Variants in CFAP251 observed in about 807,000 individuals in gnomAD.
CFAP251 encodes cilia and flagella associated protein 251.
In CFAP251, 93 loss-of-function variants were observed where a neutral mutation model predicts 126.7. The ratio of observed to expected loss-of-function variants is 0.73; its 90% CI spans 0.62 to 0.87. The LOEUF is 0.87. Among genes scored for constraint, CFAP251 ranks in the 40% least tolerant of loss-of-function variants. The probability of loss-of-function intolerance (pLI) is 0.00; values close to 1 mark genes in which losing one functional copy is unlikely to be tolerated. For synonymous variants in CFAP251, 503 were observed against 506.9 expected (o/e 0.99, Z 0.10); for missense variants, 1,287 against 1,389.2 (o/e 0.93, Z 1.17).
At position 121,960,693 on chromosome 12, in the gene CFAP251, C is replaced by T; in HGVS notation, c.2242C>T (p.Leu748=). The stretch of plus-strand genomic sequence containing the variant: ...TCATCGCAAAAGCATTCGAAGTCTC[C>T]TGTTTGGGGTTTACCTGGACAGCAA... The part of the protein sequence containing the change: ...RSHRKSIRSL[L]FGVYLDSNEP... Residue 748 remains leucine, a synonymous_variant, in exon 14 of 22, where the codon CTG becomes TTG. Coordinates refer to ENST00000288912, the MANE Select transcript of CFAP251 (RefSeq NM_144668.6). 1.2e-6 allele frequency: 2 copies of T among 1,613,994 alleles called. No individual in the cohort carries two copies. Among genetic ancestry groups the T allele is most frequent in the South Asian group, 2.2e-5 (2 of 91,066 alleles).
At chr12:121,925,493 G>T (rs941432270) in intron 3 of CFAP251, among the ~76,000 whole-genome samples, 1 of 152,190 alleles carries the variant, frequency 6.6e-6, no homozygotes, top group Non-Finnish European at 1.5e-5. Context: ...ACGGTGGCAA[G>T]ACGTCTGGAG....
At chr12:121,986,694 G>C (rs1006390115) in intron 19 of CFAP251, among the ~76,000 whole-genome samples, 1 of 151,040 alleles carries the variant, frequency 6.6e-6, no homozygotes, top group African/African-American at 2.4e-5. Context: ...GAGCCCAGAG[G>C]TCAAGGCTGC....
chr12:121,979,591 A>C (rs1159845915), intron 19 of CFAP251, among the ~76,000 whole-genome samples: 1 of 19,368 alleles, frequency 5.2e-5, no homozygotes, highest in Non-Finnish European at 1.5e-4. Flanking sequence ...TTGAGACAGC[A>C]TCTTGCTCTG....
chr12:121,942,794 T>C, intron 6 of CFAP251, 101 bp from the exon 7 acceptor site: 1 of 1,376,854 alleles, frequency 7.3e-7, no homozygotes, highest in East Asian at 2.3e-5. Flanking sequence ...TGGGCCTCTG[T>C]CCTTAGTTAC....
chr12:121,965,495 A>T (rs58526256), intron 15 of CFAP251, among the ~76,000 whole-genome samples: 1,735 of 152,300 alleles, frequency 0.011, 29 homozygotes, highest in African/African-American at 0.04. Context: ...AAATATTTTT[A>T]AAAATGGAAA....
chr12:121,922,680 G>A lies in CFAP251; in HGVS notation c.379-942G>A, dbSNP rs867401438. Among the ~76,000 whole-genome samples the A allele has an allele frequency of 5.6e-4, 60 of 107,004 alleles. No homozygotes were observed. In the Middle Eastern group the frequency reaches 0.014, roughly 25 times the overall value. 70.2% of individuals were successfully genotyped at this position (107,004 alleles called of 152,430 possible). ...GTCTGTAGCTAGTCAGCCTTTTGGA[G>A]ACCACGAGTGCCACTTAGAAGAATG... is the stretch of plus-strand genomic sequence containing the variant. On this transcript the variant is annotated intron_variant, in intron 2 of 21. Transcript: ENST00000288912.
chr12:121,991,950 GC>G (rs1445764451), intron 19 of CFAP251, among the ~76,000 whole-genome samples: 2 of 152,092 alleles, frequency 1.3e-5, no homozygotes, highest in Non-Finnish European at 2.9e-5. Context: ...CCGAGATCAC[GC>G]CACTGGACTC....
chr12:121,928,684 ATATACG>A (rs1456498798), intron 3 of CFAP251, among the ~76,000 whole-genome samples: 5 of 38,824 alleles, frequency 1.3e-4, no homozygotes, highest in East Asian at 4.2e-4. Context: ...ATATATATAT[ATATACG>A]TATATATATA....
intron 5 of CFAP251, among the ~76,000 whole-genome samples, chr12:121,939,240 A>G (rs1478827168): frequency 6.6e-6 from 1 of 152,136 alleles, no homozygotes; most frequent in Non-Finnish European, 1.5e-5. Context: ...TCCATTGTCA[A>G]ATCAACTTAT....
intron 19 of CFAP251, among the ~76,000 whole-genome samples, chr12:121,980,995 C>T (rs535567401): frequency 5.5e-4 from 84 of 152,280 alleles, no homozygotes; most frequent in Non-Finnish European, 9.0e-4. Context: ...GACTAGAGAG[C>T]GAGGGTCTGT....
intron 19 of CFAP251, among the ~76,000 whole-genome samples, chr12:121,991,990 T>A (rs1440666372): frequency 6.6e-6 from 1 of 151,426 alleles, no homozygotes; most frequent in Non-Finnish European, 1.5e-5. Context: ...GAGACTATCA[T>A]CTAAAAAAAA....
At chr12:121,935,775 G>C (rs545912311) in intron 5 of CFAP251, among the ~76,000 whole-genome samples, 131 of 152,298 alleles carry the variant, frequency 8.6e-4, no homozygotes, top group African/African-American at 3.2e-3. Flanking sequence ...GACAGCCCAC[G>C]GACTCTCTGG....
intron 10 of CFAP251, among the ~76,000 whole-genome samples, chr12:121,954,646 A>AAAAAAAC (rs1433335189): frequency 1.5e-5 from 2 of 133,240 alleles, no homozygotes; most frequent in Non-Finnish European, 3.4e-5. Context: ...TAAAAAAAAA[A>AAAAAAAC]AAAAAAAAAA....
At chr12:121,993,409 T>C (rs1246517174) in intron 19 of CFAP251, among the ~76,000 whole-genome samples, 9 of 126,436 alleles carry the variant, frequency 7.1e-5, no homozygotes, top group East Asian at 2.5e-4. Flanking sequence ...AAGTGAGGAG[T>C]GTCTCTGCCT....
intron 7 of CFAP251, among the ~76,000 whole-genome samples, chr12:121,944,413 T>G (rs577439309): frequency 2.0e-5 from 3 of 152,318 alleles, no homozygotes; most frequent in African/African-American, 7.2e-5. Flanking sequence ...TTTCTATTGC[T>G]GCAAAAAACA....
chr12:121,982,071 C>G (rs1373697291), intron 19 of CFAP251, among the ~76,000 whole-genome samples: 1 of 152,204 alleles, frequency 6.6e-6, no homozygotes, highest in Non-Finnish European at 1.5e-5. Flanking sequence ...GAGAATGTTT[C>G]TCTGACCTTG....
chr12:121,923,499 A>T (rs573646409), intron 2 of CFAP251, 123 bp from the exon 3 acceptor site: 1 of 1,319,884 alleles, frequency 7.6e-7, no homozygotes, highest in Non-Finnish European at 1.0e-6. Flanking sequence ...AGCCTCTTTT[A>T]AAAAACATTT....
intron 19 of CFAP251, among the ~76,000 whole-genome samples, chr12:121,995,265 TC>T (rs1399666185): frequency 6.6e-6 from 1 of 152,212 alleles, no homozygotes; most frequent in Non-Finnish European, 1.5e-5. Flanking sequence ...ATAGTAGCAT[TC>T]CTATGTAGTA....
intron 19 of CFAP251, among the ~76,000 whole-genome samples, chr12:121,995,601 C>T (rs1464497237): frequency 1.3e-5 from 2 of 152,076 alleles, no homozygotes; most frequent in African/African-American, 4.8e-5. Flanking sequence ...TTTCTGGGCT[C>T]AAGCCATCCT....
Sources: gnomAD v4.1 joint callset for allele counts (sites outside exome capture counted in the v4.1 genomes callset) on GRCh38, gnomAD v4.1.1 for gene constraint, MANE v1.5 for transcripts, NCBI Gene and HGNC (gene_info 2026-07-23, HGNC 2026-07-21) for gene names.